The following TMEM120A variants were observed in gnomAD, a reference collection of about 807,000 sequenced individuals.
The protein encoded by TMEM120A is transmembrane protein 120A, also known as ion channel TACAN.
Under a neutral mutation model 54.3 loss-of-function variants are expected in TMEM120A, and 45 were observed. The ratio of observed to expected loss-of-function variants is 0.83; its 90% CI spans 0.65 to 1.06. The LOEUF is 1.06. TMEM120A is among the 50% of genes least tolerant of loss of function. TMEM120A has a pLI of 0.00. For missense variants in TMEM120A, 424 were observed against 441.7 expected (o/e 0.96, Z 0.36); for synonymous variants, 204 against 178.5 (o/e 1.14, Z -1.14).
chr7:75,987,592 C>G lies in TMEM120A; in HGVS notation c.795G>C (p.Gln265His). 6.2e-7 allele frequency: 1 copy of G among 1,608,964 alleles called. No homozygotes were observed. The highest frequency in any genetic ancestry group is 8.5e-7 in the Non-Finnish European group (1 of 1,178,224). Residue 265 changes from glutamine (Q) to histidine (H), a missense_variant, in exon 10 of 12, where the codon CAG (glutamine) becomes CAC (histidine). Gln to His is a conservative substitution (Grantham distance 24). Coordinates refer to ENST00000493111, the MANE Select transcript of TMEM120A (RefSeq NM_031925.3). ...AGGTGAGGCCCCGCCACATCCAGGA[C>G]TGGAAGCCCTCTGCGGGGAGGAAGG... is the stretch of plus-strand genomic sequence containing the variant. ...HTMDLTVEGF[Q>H]SWMWRGLTFL...
At chr7:75,988,363 G>T (rs781818891) in intron 5 of TMEM120A, 22 bp from the exon 6 acceptor site, 1 of 1,611,774 alleles carries the variant, frequency 6.2e-7, no homozygotes, top group Non-Finnish European at 8.5e-7. Context: ...GGGGACCGAG[G>T]GTTGGTACTG....
chr7:75,992,795 T>G (rs1226662142), intron 1 of TMEM120A, among the ~76,000 whole-genome samples: 3 of 152,008 alleles, frequency 2.0e-5, no homozygotes, highest in Non-Finnish European at 4.4e-5. Context: ...AAAAACAGAC[T>G]AGGTGTTTTT....
intron 1 of TMEM120A, among the ~76,000 whole-genome samples, chr7:75,994,206 G>A (rs781802962): frequency 2.0e-5 from 3 of 152,196 alleles, no homozygotes; most frequent in Non-Finnish European, 4.4e-5. Flanking sequence ...TCAGGCGGCC[G>A]CTCTCTTCTG....
intron 2 of TMEM120A, 27 bp downstream of exon 2, chr7:75,992,412 A>G: frequency 1.3e-6 from 2 of 1,580,560 alleles, no homozygotes; most frequent in East Asian, 2.3e-5. Flanking sequence ...CACTCTGCCC[A>G]TGGCGGGTGG....
At chr7:75,990,937 TG>T (rs1789823259) in intron 3 of TMEM120A, among the ~76,000 whole-genome samples, 1 of 149,264 alleles carries the variant, frequency 6.7e-6, no homozygotes, top group Admixed American at 6.7e-5. Flanking sequence ...TAGACTTGGC[TG>T]TCTCCCTTCC....
At chr7:75,993,444 G>A (rs1554562308) in intron 1 of TMEM120A, among the ~76,000 whole-genome samples, 1 of 152,280 alleles carries the variant, frequency 6.6e-6, no homozygotes, top group African/African-American at 2.4e-5. Flanking sequence ...TGAGTCTCAA[G>A]AAGGCGCAGC....
rs369133141 is a variant in TMEM120A at position 75,993,053 on chromosome 7, C to T, written c.82-496G>A. Among the ~76,000 whole-genome samples the T allele has an allele frequency of 7.9e-5, 12 of 152,280 alleles. No individual in the cohort carries two copies. The East Asian group carries it at 1.2e-3, about 15-fold the overall frequency. On this transcript the variant is annotated intron_variant, in intron 1 of 11. Coordinates refer to ENST00000493111, the MANE Select transcript of TMEM120A (RefSeq NM_031925.3). The stretch of plus-strand genomic sequence containing the variant: ...CTGACCTCAGGTGATCTGCCTGCCT[C>T]GGCCTCCCAAAGTGCTGGGATTACA...
intron 3 of TMEM120A, among the ~76,000 whole-genome samples, chr7:75,991,347 G>A (rs1316731909): frequency 1.3e-5 from 2 of 151,940 alleles, no homozygotes; most frequent in East Asian, 1.9e-4. Context: ...CTCATGGCCC[G>A]TCCACCTGCT....
intron 4 of TMEM120A, 53 bp from the exon 5 acceptor site, chr7:75,988,569 GCC>G: frequency 7.9e-7 from 1 of 1,264,574 alleles, no homozygotes; most frequent in Non-Finnish European, 1.1e-6. Flanking sequence ...GCCCATGTGT[GCC>G]CCCACCCCGG....
At chr7:75,992,305 T>C (rs987482754) in intron 2 of TMEM120A, 45 bp from the exon 3 acceptor site, 7 of 1,559,364 alleles carry the variant, frequency 4.5e-6, no homozygotes, top group East Asian at 2.3e-5. Flanking sequence ...GACTCCCAAG[T>C]GTCCTCCCTG....
Position 75,989,209 on chromosome 7 carries a change from C to T in TMEM120A, c.333G>A (p.Leu111=). 2 of 1,540,276 alleles carry T rather than the reference C, an allele frequency of 1.3e-6. No individual in the cohort carries two copies. Among genetic ancestry groups the T allele is most frequent in the South Asian group, 1.2e-5 (1 of 84,486 alleles). ...GCGTGACGTTGACGTTCCCCAGAAC[C>T]AGGCTCAGGTACAATCTAGGGAAGG... ...LPKKNGLYLS[L]VLGNVNVTLL... Residue 111 remains leucine, a synonymous_variant, in exon 4 of 12, where the codon CTG becomes CTA. Transcript: ENST00000493111.
intron 1 of TMEM120A, among the ~76,000 whole-genome samples, 196 bp downstream of exon 1, chr7:75,994,294 C>A (rs1211930516): frequency 1.3e-5 from 2 of 152,172 alleles, no homozygotes; most frequent in African/African-American, 4.8e-5. Flanking sequence ...CGATGGGGTC[C>A]CGCCGGGGTT....
chr7:75,992,261 C>T lies in TMEM120A; in HGVS notation c.201-1G>A, dbSNP rs1554561997. 1.2e-6 allele frequency: 2 copies of T among 1,603,348 alleles called. No homozygotes were observed. The highest frequency in any genetic ancestry group is 1.7e-6 in the Non-Finnish European group (2 of 1,174,886). On this transcript the variant is annotated splice_acceptor_variant, in intron 2 of 11. Transcript: ENST00000493111. LOFTEE classifies it high-confidence loss of function. ...CTCTGCTGGGAGGGAGGGTTTGCAT[C>T]TGCGGGTAAGGCCAGAAACAGTCAG...
At chr7:75,993,689 C>G (rs782364163) in intron 1 of TMEM120A, among the ~76,000 whole-genome samples, 1 of 152,222 alleles carries the variant, frequency 6.6e-6, no homozygotes, top group Non-Finnish European at 1.5e-5. Context: ...TCTACTCTGT[C>G]TGGATCTTGT....
intron 1 of TMEM120A, among the ~76,000 whole-genome samples, chr7:75,993,437 G>C (rs1229973280): frequency 6.6e-6 from 1 of 152,256 alleles, no homozygotes; most frequent in African/African-American, 2.4e-5. Flanking sequence ...TGGTAGGTGA[G>C]TCTCAAGAAG....
chr7:75,994,043 C>G (rs62475304), intron 1 of TMEM120A, among the ~76,000 whole-genome samples: 31,150 of 150,960 alleles, frequency 0.21, 3,830 homozygotes, highest in East Asian at 0.36. Flanking sequence ...AAGGCCTCGG[C>G]GGCGCGCGGT....
In TMEM120A at chr7:75,987,122, A is replaced by G. The variant is rs1467959282; in HGVS notation, c.*50T>C. Reference sequence around the variant, plus strand: ...CGAGGGGCGCCTCCCATCCCCTCCCACAACACACAGGACAGAAGCCCCTCT... The same window carrying G: ...CGAGGGGCGCCTCCCATCCCCTCCCGCAACACACAGGACAGAAGCCCCTCT... On this transcript the variant is annotated 3_prime_UTR_variant, in exon 12 of 12. Coordinates refer to ENST00000493111, the MANE Select transcript of TMEM120A (RefSeq NM_031925.3). 2 of 1,491,576 alleles carry G rather than the reference A, an allele frequency of 1.3e-6. No homozygotes were observed. The highest frequency in any genetic ancestry group is 1.8e-6 in the Non-Finnish European group (2 of 1,091,244). 92.4% of individuals were successfully genotyped at this position (1,491,576 alleles called of 1,614,324 possible). A position where few individuals can be genotyped will look rare whatever the true frequency, so the allele number is the denominator to read the frequency against.
Position 75,987,389 on chromosome 7 carries a change from C to T in TMEM120A, c.889G>A (p.Ala297Thr). ...CACTCCTTGCACTGAGGGTCCTGGG[C>T]CAGGTTGAACAACGTCAGCGCGTTA... ...LFNALTLFNL[A>T]QDPQCKEWQV... Residue 297 changes from alanine to threonine, a missense_variant, in exon 11 of 12, where the codon GCC (alanine) becomes ACC (threonine). Physicochemically the swap from Ala to Thr is moderately conservative, Grantham distance 58. Transcript: ENST00000493111. 2 of 1,566,132 alleles carry T rather than the reference C, an allele frequency of 1.3e-6. No individual in the cohort carries two copies. The highest frequency in any genetic ancestry group is 1.7e-4 in the Middle Eastern group (1 of 5,998).
intron 9 of TMEM120A, 40 bp downstream of exon 9, chr7:75,987,678 A>G: frequency 6.2e-7 from 1 of 1,608,786 alleles, no homozygotes; most frequent in Non-Finnish European, 8.5e-7. Context: ...GGATGGGAGG[A>G]AAGGGGAATG....
Sources: allele counts gnomAD v4.1 joint callset (sites outside exome capture counted in the v4.1 genomes callset), GRCh38; gene constraint gnomAD v4.1.1; transcripts MANE v1.5; gene names NCBI Gene and HGNC (gene_info 2026-07-23, HGNC 2026-07-21).